HDAC9: variants seen among roughly 807,000 people sequenced by gnomAD.
HDAC9 encodes the protein histone deacetylase 9.
A neutral mutation model predicts 139.4 loss-of-function variants in HDAC9; 41 were observed. That is an observed-to-expected ratio of 0.29 (90% confidence interval 0.23 to 0.38). The LOEUF (loss-of-function observed/expected upper bound fraction) is 0.38. Ranked by LOEUF, HDAC9 falls within the 10% of genes least tolerant of loss-of-function variation. HDAC9 has a pLI of 1.00. For missense variants in HDAC9, 1,147 were observed against 1,297.0 expected (o/e 0.88, Z 1.78); for synonymous variants, 517 against 476.2 (o/e 1.09, Z -1.12).
At chr7:18,909,855 A>T (rs905043016) in intron 22 of HDAC9, among the ~76,000 whole-genome samples, 7 of 151,772 alleles carry the variant, frequency 4.6e-5, no homozygotes, top group African/African-American at 1.7e-4. Flanking sequence ...GTTGGTTATT[A>T]TAGGCTTGTA....
chr7:18,498,692 A>G (rs1249069191), intron 2 of HDAC9, among the ~76,000 whole-genome samples: 1 of 152,062 alleles, frequency 6.6e-6, no homozygotes, highest in African/African-American at 2.4e-5. Flanking sequence ...GACACTCTGT[A>G]TTCTAGCATG....
intron 2 of HDAC9, among the ~76,000 whole-genome samples, chr7:18,219,185 T>C (rs2128174039): frequency 6.6e-6 from 1 of 152,318 alleles, no homozygotes; most frequent in Non-Finnish European, 1.5e-5. Flanking sequence ...TTCTTGAATC[T>C]ATGTAGTATT....
intron 22 of HDAC9, among the ~76,000 whole-genome samples, chr7:18,900,605 C>G (rs57527340): frequency 0.015 from 2,227 of 152,236 alleles, 64 homozygotes; most frequent in African/African-American, 0.051. Flanking sequence ...ATAGTCCGGA[C>G]AAGATCCCAT....
In HDAC9 at chr7:18,594,013, C is replaced by T; in HGVS notation, c.648C>T (p.Phe216=). ...LPGAQDAKDD[F]PLRKTASEPN... ...GAGCACAAGATGCAAAGGATGATTT[C>T]CCCCTTCGAAAAACTGGTAAGTTGG... The change falls in exon 6 of 26, where the codon TTC becomes TTT. Residue 216 remains phenylalanine, a synonymous_variant. Transcript: ENST00000686413. The T allele has an allele frequency of 1.9e-6, 3 of 1,612,480 alleles. No individual in the cohort carries two copies. Among genetic ancestry groups the T allele is most frequent in the South Asian group, 1.1e-5 (1 of 91,038 alleles).
intron 2 of HDAC9, among the ~76,000 whole-genome samples, chr7:18,213,931 A>G (rs1033415846): frequency 6.6e-6 from 1 of 152,092 alleles, no homozygotes. Context: ...AAGTTTAGTA[A>G]TCACCCAGCA....
chr7:18,202,521 T>C (rs752847749), intron 2 of HDAC9, among the ~76,000 whole-genome samples: 1 of 152,226 alleles, frequency 6.6e-6, no homozygotes, highest in African/African-American at 2.4e-5. Context: ...TTTTTATGCT[T>C]GCAGGTTTCA....
intron 13 of HDAC9, among the ~76,000 whole-genome samples, chr7:18,733,019 G>GTATATATGTATATATACAGATATACATA (rs1786462089): frequency 7.0e-6 from 1 of 141,970 alleles, no homozygotes. Context: ...GTGTATGTGT[G>GTATATATGTATATATACAGATATACATA]TATATATGTA....
intron 1 of HDAC9, among the ~76,000 whole-genome samples, chr7:18,415,339 C>A (rs1415445253): frequency 6.6e-6 from 1 of 152,182 alleles, no homozygotes; most frequent in East Asian, 1.9e-4. Flanking sequence ...TGAAATATTT[C>A]CACATTGGCT....
At chr7:18,200,859 C>G (rs1318282864) in intron 2 of HDAC9, among the ~76,000 whole-genome samples, 1 of 152,106 alleles carries the variant, frequency 6.6e-6, no homozygotes, top group Non-Finnish European at 1.5e-5. Context: ...TTTCTTCTTT[C>G]TTAAAGTGAG....
intron 1 of HDAC9, among the ~76,000 whole-genome samples, chr7:18,460,053 G>A (rs150410002): frequency 1.2e-4 from 18 of 151,136 alleles, no homozygotes; most frequent in South Asian, 6.3e-4. Flanking sequence ...TTGGGTAGCC[G>A]GGACTACAGA....
chr7:18,731,299 A>T (rs1296989579), intron 13 of HDAC9, among the ~76,000 whole-genome samples: 3 of 152,082 alleles, frequency 2.0e-5, no homozygotes, highest in Non-Finnish European at 4.4e-5. Context: ...TAGCTGTTCC[A>T]CTAAATAGCA....
chr7:18,891,640 T>G (rs1172683333), intron 22 of HDAC9, among the ~76,000 whole-genome samples: 2 of 152,180 alleles, frequency 1.3e-5, no homozygotes, highest in Admixed American at 1.3e-4. Context: ...GGGCCCTAGC[T>G]CCTTGTGTGA....
At chr7:18,745,282 C>G (rs1787833695) in intron 13 of HDAC9, among the ~76,000 whole-genome samples, 1 of 152,148 alleles carries the variant, frequency 6.6e-6, no homozygotes, top group South Asian at 2.1e-4. Context: ...GTTTGGGGTT[C>G]CAGATTGTAT....
Position 18,979,686 on chromosome 7 carries a change from C to A in HDAC9, c.3170+3733C>A, listed in dbSNP as rs151047361. On this transcript the variant is annotated intron_variant, in intron 25 of 25. Transcript: ENST00000686413. The stretch of plus-strand genomic sequence containing the variant: ...GCATCTGCTTGGCTTCTCCAGAGGC[C>A]TCAGGAAGCTTAAAATCATGGAGGA... 4.4e-3 allele frequency among the ~76,000 whole-genome samples: 668 copies of A among 152,202 alleles called. 3 individuals are homozygous for A. The highest frequency in any genetic ancestry group is 0.031 in the Middle Eastern group (9 of 294).
At chr7:18,225,666 T>C (rs1793007716) in intron 2 of HDAC9, among the ~76,000 whole-genome samples, 1 of 152,162 alleles carries the variant, frequency 6.6e-6, no homozygotes, top group Non-Finnish European at 1.5e-5. Context: ...TATGCAGGCA[T>C]CTTTCACTTA....
chr7:18,930,873 AT>A (rs1804677468), intron 22 of HDAC9, among the ~76,000 whole-genome samples: 1 of 152,196 alleles, frequency 6.6e-6, no homozygotes, highest in Non-Finnish European at 1.5e-5. Flanking sequence ...TCCCATCTAA[AT>A]TTGGCATTTT....
At chr7:18,960,622 A>G (rs1447440858) in intron 24 of HDAC9, among the ~76,000 whole-genome samples, 1 of 152,160 alleles carries the variant, frequency 6.6e-6, no homozygotes, top group Non-Finnish European at 1.5e-5. Context: ...TAATCAAAAT[A>G]TGTGGTACCT....
At chr7:18,481,596 A>G (rs1192681675) in intron 1 of HDAC9, among the ~76,000 whole-genome samples, 2 of 152,344 alleles carry the variant, frequency 1.3e-5, no homozygotes, top group South Asian at 4.1e-4. Context: ...TCACCCCAGT[A>G]TCCATTATAA....
intron 3 of HDAC9, 123 bp downstream of exon 3, chr7:18,585,645 G>A: frequency 1.6e-6 from 2 of 1,238,598 alleles, no homozygotes; most frequent in Non-Finnish European, 1.1e-6. Context: ...TATATGGCTT[G>A]AAGGGAATTG....
Sources: allele counts gnomAD v4.1 joint callset (sites outside exome capture counted in the v4.1 genomes callset), GRCh38; gene constraint gnomAD v4.1.1; transcripts MANE v1.5; gene names NCBI Gene and HGNC (gene_info 2026-07-23, HGNC 2026-07-21).